Variants in EFCAB6 observed in about 807,000 individuals in gnomAD.
EFCAB6 encodes the protein EF-hand calcium-binding domain-containing protein 6.
In EFCAB6, 156 loss-of-function variants were observed where a neutral mutation model predicts 169.8. That is an observed-to-expected ratio of 0.92 (90% CI 0.81 to 1.05). The LOEUF is 1.05. EFCAB6 is among the 50% of genes least tolerant of loss of function. The pLI is 0.00. For missense variants in EFCAB6, 1,800 were observed against 1,829.1 expected, an observed-to-expected ratio of 0.98 and a Z score of 0.29; for synonymous variants, 698 against 676.4, an observed-to-expected ratio of 1.03 and a Z score of -0.50.
At chr22:43,788,898 C>G (rs1400602479) in intron 2 of EFCAB6, among the ~76,000 whole-genome samples, 1 of 152,008 alleles carries the variant, frequency 6.6e-6, no homozygotes, top group East Asian at 1.9e-4. Context: ...TATTATTCAG[C>G]CCTAAAAAGG....
At position 43,586,340 on chromosome 22, in the gene EFCAB6, A is replaced by ATTTT. The variant is rs36058832; in HGVS notation, c.3032+3730_3032+3733dup. Among the ~76,000 whole-genome samples the ATTTT allele has an allele frequency of 4.1e-3, 298 of 72,912 alleles. 22 individuals carry two copies. The highest frequency in any genetic ancestry group is 0.014 in the African/African-American group (221 of 15,418). The allele number at this position is 72,912 out of a possible 152,430, so 47.8% of individuals were successfully genotyped here. Reference sequence around the variant, plus strand: ...ACTGTAAACTCTTGAGCAACAACTGATTTTTTTTTTTTTTTTTTTTTTTTT... The same window carrying ATTTT: ...ACTGTAAACTCTTGAGCAACAACTGATTTTTTTTTTTTTTTTTTTTTTTTTTTTT... On this transcript the variant is annotated intron_variant, in intron 24 of 31. Transcript: ENST00000262726.
chr22:43,766,959 A>G (rs903636636), intron 4 of EFCAB6, among the ~76,000 whole-genome samples: 8 of 152,324 alleles, frequency 5.3e-5, no homozygotes, highest in Middle Eastern at 3.4e-3. Flanking sequence ...TCCTGGGTTC[A>G]AGCAATTCAG....
intron 23 of EFCAB6, among the ~76,000 whole-genome samples, chr22:43,598,677 G>C (rs2052246095): frequency 6.6e-6 from 1 of 152,136 alleles, no homozygotes; most frequent in South Asian, 2.1e-4. Context: ...AAGGATAAAT[G>C]CTTGAGGTGA....
intron 26 of EFCAB6, among the ~76,000 whole-genome samples, chr22:43,564,411 G>A (rs2049285514): frequency 6.6e-6 from 1 of 150,748 alleles, no homozygotes; most frequent in South Asian, 2.1e-4. Flanking sequence ...CTGTGCCACT[G>A]CACTCCAGCC....
intron 20 of EFCAB6, among the ~76,000 whole-genome samples, chr22:43,624,821 T>C (rs967425198): frequency 1.3e-5 from 2 of 152,220 alleles, no homozygotes; most frequent in African/African-American, 4.8e-5. Flanking sequence ...ATTTGATGAA[T>C]GAGTGTATAC....
chr22:43,707,629 T>G (rs1165477751), intron 10 of EFCAB6, among the ~76,000 whole-genome samples: 2 of 152,212 alleles, frequency 1.3e-5, no homozygotes, highest in South Asian at 4.1e-4. Flanking sequence ...GAGATAATTC[T>G]CAGACAAGAA....
At chr22:43,583,497 C>T (rs1029479978) in intron 24 of EFCAB6, among the ~76,000 whole-genome samples, 3 of 151,926 alleles carry the variant, frequency 2.0e-5, no homozygotes, top group African/African-American at 4.8e-5. Flanking sequence ...CAGGAAACAA[C>T]CTATCCAATA....
At chr22:43,554,343 CCTT>C (rs2048566554) in intron 27 of EFCAB6, 1 of 159,926 alleles carries the variant, frequency 6.3e-6, no homozygotes, top group Non-Finnish European at 1.4e-5. Context: ...CTGCACAAAG[CCTT>C]CTTCAGCACC....
intron 20 of EFCAB6, among the ~76,000 whole-genome samples, chr22:43,624,742 G>C (rs1241679998): frequency 6.6e-6 from 1 of 152,158 alleles, no homozygotes; most frequent in African/African-American, 2.4e-5. Context: ...AGGAGCATCT[G>C]GGTCTTATTC....
chr22:43,707,895 C>T (rs2059012519), intron 10 of EFCAB6, among the ~76,000 whole-genome samples: 1 of 152,024 alleles, frequency 6.6e-6, no homozygotes, highest in Non-Finnish European at 1.5e-5. Context: ...CAAAACAAGG[C>T]AGAAGCAAAG....
Position 43,576,489 on chromosome 22 carries a change from C to T in EFCAB6, c.3229-1G>A, listed in dbSNP as rs768641868. The T allele has an allele frequency of 3.3e-6, 5 of 1,516,444 alleles. No homozygotes were observed. In the Admixed American group the frequency reaches 1.3e-4, roughly 39 times the overall value. The allele number at this position is 1,516,444 out of a possible 1,614,324, so 93.9% of individuals were successfully genotyped here. On this transcript the variant is annotated splice_acceptor_variant, in intron 25 of 31. Coordinates refer to ENST00000262726, the MANE Select transcript of EFCAB6 (RefSeq NM_022785.4). LOFTEE classifies it high-confidence loss of function. The stretch of plus-strand genomic sequence containing the variant: ...CCTCTTTATCCAATGCAGAAAATGC[C>T]TAAAAAGAAAGAAAAGAAAAAAAGA...
chr22:43,619,036 G>A (rs142717527), intron 20 of EFCAB6, among the ~76,000 whole-genome samples: 1 of 152,226 alleles, frequency 6.6e-6, no homozygotes, highest in Admixed American at 6.5e-5. Context: ...TAGCCCTTGG[G>A]GGCTACAGAG....
chr22:43,682,224 A>G (rs1386680635), intron 12 of EFCAB6, among the ~76,000 whole-genome samples: 1 of 152,308 alleles, frequency 6.6e-6, no homozygotes, highest in East Asian at 1.9e-4. Context: ...TGTTAATGCC[A>G]TGATGTGATA....
At chr22:43,709,760 C>T (rs941279600) in intron 10 of EFCAB6, among the ~76,000 whole-genome samples, 12 of 152,028 alleles carry the variant, frequency 7.9e-5, no homozygotes, top group Non-Finnish European at 1.2e-4. Context: ...TAAGTTTTAG[C>T]GAGGCAAGAA....
intron 23 of EFCAB6, among the ~76,000 whole-genome samples, chr22:43,593,052 T>C (rs1473132491): frequency 1.4e-5 from 2 of 146,388 alleles, no homozygotes; most frequent in African/African-American, 5.1e-5. Flanking sequence ...AGAGTGTCAG[T>C]ATAGAGGAGG....
intron 13 of EFCAB6, among the ~76,000 whole-genome samples, chr22:43,675,312 GTATATTA>G (rs1326944395): frequency 9.7e-6 from 1 of 103,472 alleles, no homozygotes; most frequent in Non-Finnish European, 1.9e-5. Context: ...ATATATTATA[GTATATTA>G]TACTATAATA....
chr22:43,569,210 G>A (rs888033945), intron 26 of EFCAB6, among the ~76,000 whole-genome samples: 2 of 152,208 alleles, frequency 1.3e-5, no homozygotes, highest in African/African-American at 2.4e-5. Context: ...CTGCAGTGTC[G>A]CCACAGCCAA....
chr22:43,752,319 T>C (rs1188170627), intron 6 of EFCAB6, among the ~76,000 whole-genome samples: 1 of 152,142 alleles, frequency 6.6e-6, no homozygotes, highest in Non-Finnish European at 1.5e-5. Context: ...GGTTTCACCA[T>C]GTTGACCAGG....
At chr22:43,603,591 T>C (rs542136339) in intron 22 of EFCAB6, among the ~76,000 whole-genome samples, 27 of 152,390 alleles carry the variant, frequency 1.8e-4, no homozygotes, top group Admixed American at 1.6e-3. Context: ...TCTTAGTCCT[T>C]TCCGCTCAGT....
Sources: gnomAD v4.1 joint callset for allele counts (sites outside exome capture counted in the v4.1 genomes callset) on GRCh38, gnomAD v4.1.1 for gene constraint, MANE v1.5 for transcripts, NCBI Gene and HGNC (gene_info 2026-07-23, HGNC 2026-07-21) for gene names.